EEF1AKMT2: variants seen among roughly 807,000 people sequenced by gnomAD.
The protein encoded by EEF1AKMT2 is eukaryotic translation elongation factor 1 alpha lysine methyltransferase 2.
Under a neutral mutation model 35.8 loss-of-function variants are expected in EEF1AKMT2, and 32 were observed. That is an observed-to-expected ratio of 0.89 (90% CI 0.67 to 1.20). The LOEUF is 1.20. Ranked by LOEUF, EEF1AKMT2 falls within the 50% of genes most tolerant of loss-of-function variation. The pLI is 0.00. For synonymous variants in EEF1AKMT2, 121 were observed against 133.7 expected (o/e 0.91, Z 0.65); for missense variants, 330 against 347.5 (o/e 0.95, Z 0.40).
At chr10:124,784,996 C>T (rs1312545646) in intron 3 of EEF1AKMT2, among the ~76,000 whole-genome samples, 1 of 151,104 alleles carries the variant, frequency 6.6e-6, no homozygotes, top group Admixed American at 6.6e-5. Context: ...CCCCTGCACC[C>T]CCAGCACTTT....
chr10:124,777,593 T>A lies in EEF1AKMT2; in HGVS notation c.292-2811A>T, dbSNP rs533369299. 2.6e-5 allele frequency among the ~76,000 whole-genome samples: 4 copies of A among 152,204 alleles called. No individual in the cohort carries two copies. In the South Asian group the frequency reaches 8.3e-4, roughly 32 times the overall value. On this transcript the variant is annotated intron_variant, in intron 3 of 6. Coordinates refer to ENST00000368836, the MANE Select transcript of EEF1AKMT2 (RefSeq NM_212554.4). Reference sequence around the variant, plus strand: ...GGAGTGCAGTAGCACAATCATGGCTTACTGCAGCCTTGCCTCCTGGCTCAA... The same window carrying A: ...GGAGTGCAGTAGCACAATCATGGCTAACTGCAGCCTTGCCTCCTGGCTCAA...
chr10:124,764,878 G>A (rs1463638422), intron 5 of EEF1AKMT2, among the ~76,000 whole-genome samples: 3 of 152,170 alleles, frequency 2.0e-5, no homozygotes, highest in Non-Finnish European at 4.4e-5. Context: ...ATAAAAGATT[G>A]TACGACTCAA....
chr10:124,761,964 G>A (rs945310364), intron 6 of EEF1AKMT2, among the ~76,000 whole-genome samples: 11 of 152,130 alleles, frequency 7.2e-5, no homozygotes, highest in Admixed American at 7.2e-4. Context: ...CGCCAATCAA[G>A]GTTTTCCCTC....
rs754443902 is a variant in EEF1AKMT2 at position 124,769,218 on chromosome 10, C to CACAAAAAAAAAAAAAAAAAAAAAA, written c.400-3611_400-3610insTTTTTTTTTTTTTTTTTTTTTTGT. Among the ~76,000 whole-genome samples, 55 of 31,296 alleles carry CACAAAAAAAAAAAAAAAAAAAAAA rather than the reference C, an allele frequency of 1.8e-3. 22 individuals are homozygous for CACAAAAAAAAAAAAAAAAAAAAAA. Among genetic ancestry groups the CACAAAAAAAAAAAAAAAAAAAAAA allele is most frequent in the African/African-American group, 3.6e-3 (31 of 8,534 alleles). The allele number at this position is 31,296 out of a possible 152,430, so 20.5% of individuals were successfully genotyped here. A position where few individuals can be genotyped will look rare whatever the true frequency, so the allele number is the denominator to read the frequency against. ...GGGCTACAGGGCAAGACACTGTCTC[C>CACAAAAAAAAAAAAAAAAAAAAAA]AAAAAAAAAAAAAAAATATATATAT... On this transcript the variant is annotated intron_variant, in intron 4 of 6. Coordinates refer to ENST00000368836, the MANE Select transcript of EEF1AKMT2 (RefSeq NM_212554.4).
At chr10:124,774,906 C>T (rs1589786054) in intron 3 of EEF1AKMT2, 124 bp from the exon 4 acceptor site, 1 of 389,930 alleles carries the variant, frequency 2.6e-6, no homozygotes, top group Non-Finnish European at 4.5e-6. Flanking sequence ...ACATATAATC[C>T]AATTCATAAT....
chr10:124,772,427 T>C lies in EEF1AKMT2; in HGVS notation c.399+2248A>G, dbSNP rs1005828101. 1.3e-3 allele frequency among the ~76,000 whole-genome samples: 144 copies of C among 108,984 alleles called. 1 individual carries two copies. Among genetic ancestry groups the C allele is most frequent in the East Asian group, 6.8e-3 (31 of 4,544 alleles). 71.5% of individuals were successfully genotyped at this position (108,984 alleles called of 152,430 possible). ...ATGGCTTCTTTTCTTTTTCTTTTTT[T>C]TTTTTTTTTTTTTTTTTTTGAGATG... is the stretch of plus-strand genomic sequence containing the variant. On this transcript the variant is annotated intron_variant, in intron 4 of 6. Coordinates refer to ENST00000368836, the MANE Select transcript of EEF1AKMT2 (RefSeq NM_212554.4).
Position 124,782,330 on chromosome 10 carries a change from C to A in EEF1AKMT2, c.291+6713G>T, listed in dbSNP as rs192553754. On this transcript the variant is annotated intron_variant, in intron 3 of 6. Coordinates refer to ENST00000368836, the MANE Select transcript of EEF1AKMT2 (RefSeq NM_212554.4). Reference sequence around the variant, plus strand: ...GGGTGCGGTGGCTCACGCCTGTAATCCCAGCACTTTGGGAGGCCGAGGCGG... The same window carrying A: ...GGGTGCGGTGGCTCACGCCTGTAATACCAGCACTTTGGGAGGCCGAGGCGG... Among the ~76,000 whole-genome samples the A allele has an allele frequency of 9.7e-3, 1,472 of 152,120 alleles. 10 individuals carry two copies. The highest frequency in any genetic ancestry group is 0.017 in the Middle Eastern group (5 of 294).
At chr10:124,770,610 T>C (rs987087175) in intron 4 of EEF1AKMT2, among the ~76,000 whole-genome samples, 3 of 152,238 alleles carry the variant, frequency 2.0e-5, no homozygotes, top group Non-Finnish European at 4.4e-5. Context: ...AAGTTTGCCG[T>C]ATCGACTGAT....
intron 4 of EEF1AKMT2, chr10:124,766,327 C>T (rs1379934790): frequency 6.6e-6 from 1 of 151,766 alleles, no homozygotes; most frequent in African/African-American, 2.4e-5. Context: ...TGGGTCTTGA[C>T]TAAGCAGCTT....
chr10:124,772,414 C>CTT (rs1249990366), intron 4 of EEF1AKMT2, among the ~76,000 whole-genome samples: 1 of 116,094 alleles, frequency 8.6e-6, no homozygotes, highest in African/African-American at 3.1e-5. Flanking sequence ...GGCTTCTTTT[C>CTT]TTTTTCTTTT....
intron 3 of EEF1AKMT2, among the ~76,000 whole-genome samples, chr10:124,783,838 T>G (rs1440315502): frequency 1.3e-5 from 2 of 152,192 alleles, no homozygotes; most frequent in East Asian, 3.9e-4. Context: ...TTTTATTTTA[T>G]TTTGAGACAG....
intron 3 of EEF1AKMT2, among the ~76,000 whole-genome samples, chr10:124,785,465 AAT>A (rs1950576605): frequency 6.6e-6 from 1 of 152,176 alleles, no homozygotes; most frequent in African/African-American, 2.4e-5. Context: ...TAAGCCAAAG[AAT>A]AGAAGAAAAC....
chr10:124,767,970 G>C (rs1950394215), intron 4 of EEF1AKMT2, among the ~76,000 whole-genome samples: 1 of 152,120 alleles, frequency 6.6e-6, no homozygotes, highest in Non-Finnish European at 1.5e-5. Context: ...TGGGCAACAA[G>C]AGTGAAACTC....
chr10:124,777,004 G>A (rs1482254932), intron 3 of EEF1AKMT2, among the ~76,000 whole-genome samples: 2 of 151,878 alleles, frequency 1.3e-5, no homozygotes, highest in Admixed American at 1.3e-4. Context: ...TATGGGCCGG[G>A]CATGGTGGCT....
At chr10:124,788,554 A>G (rs1422737788) in intron 3 of EEF1AKMT2, among the ~76,000 whole-genome samples, 1 of 151,850 alleles carries the variant, frequency 6.6e-6, no homozygotes, top group African/African-American at 2.4e-5. Context: ...CACACAGCAT[A>G]GCAAGAGCAC....
chr10:124,785,246 C>CGAAA (rs1950574701), intron 3 of EEF1AKMT2, among the ~76,000 whole-genome samples: 1 of 61,398 alleles, frequency 1.6e-5, no homozygotes, highest in Non-Finnish European at 2.8e-5. Flanking sequence ...GACTCCGTCT[C>CGAAA]AAAAAAAAAA....
At chr10:124,777,403 C>T (rs1950497131) in intron 3 of EEF1AKMT2, among the ~76,000 whole-genome samples, 1 of 152,092 alleles carries the variant, frequency 6.6e-6, no homozygotes, top group Non-Finnish European at 1.5e-5. Flanking sequence ...GTAGAGCCCA[C>T]TGCACACTTA....
Position 124,765,588 on chromosome 10 carries a change from G to A in EEF1AKMT2, c.420C>T (p.Leu140=), listed in dbSNP as rs372365652. The A allele has an allele frequency of 3.7e-6, 6 of 1,613,340 alleles. No individual in the cohort carries two copies. The African/African-American group carries it at 6.7e-5, about 18-fold the overall frequency. Residue 140 remains leucine (L), a synonymous_variant, in exon 5 of 7, where the codon CTC becomes CTT. Coordinates refer to ENST00000368836, the MANE Select transcript of EEF1AKMT2 (RefSeq NM_212554.4). ...IKLKVEDFLN[L]STQLSGFHIC... is the part of the protein sequence containing the mutation. The stretch of plus-strand genomic sequence containing the variant: ...TATGAAATCCAGACAGCTGTGTGGA[G>A]AGATTCAAAAAGTCTTCTACCTATA...
rs752669132 is a variant in EEF1AKMT2 at position 124,760,376 on chromosome 10, G to A, written c.*127C>T. 4.1e-6 allele frequency: 6 copies of A among 1,466,110 alleles called. No individual in the cohort carries two copies. In the East Asian group the frequency reaches 6.9e-5, roughly 17 times the overall value. The allele number at this position is 1,466,110 out of a possible 1,614,324, so 90.8% of individuals were successfully genotyped here. A position where few individuals can be genotyped will look rare whatever the true frequency, so the allele number is the denominator to read the frequency against. ...AGGTTAACTTTGCTGTGTAGATTCT[G>A]TGTAGCTACCTGAATTCGTCCAAGA... On this transcript the variant is annotated 3_prime_UTR_variant, in exon 7 of 7. Transcript: ENST00000368836.
Sources: gnomAD v4.1 joint callset for allele counts (sites outside exome capture counted in the v4.1 genomes callset) on GRCh38, gnomAD v4.1.1 for gene constraint, MANE v1.5 for transcripts, NCBI Gene and HGNC (gene_info 2026-07-23, HGNC 2026-07-21) for gene names.